The following CLUAP1 variants were observed in gnomAD, a reference collection of about 807,000 sequenced individuals.
The protein encoded by CLUAP1 is intraflagellar transport 38.
Under a neutral mutation model 55.0 loss-of-function variants are expected in CLUAP1, and 50 were observed. The observed-to-expected ratio is 0.91, with a 90% CI of 0.72 to 1.15. CLUAP1 has a LOEUF of 1.15. Among genes scored for constraint, CLUAP1 ranks in the 50% most tolerant of loss-of-function variants. CLUAP1 has a pLI of 0.00. For missense variants in CLUAP1, 530 were observed against 507.6 expected (o/e 1.04, Z -0.42); for synonymous variants, 195 against 175.4 (o/e 1.11, Z -0.88).
At chr16:3,501,583 G>GA (rs1003957813) in intron 1 of CLUAP1, among the ~76,000 whole-genome samples, 2 of 152,154 alleles carry the variant, frequency 1.3e-5, no homozygotes, top group Non-Finnish European at 2.9e-5. Context: ...GGGAGTTCGA[G>GA]ACCAGCCTGA....
upstream of CLUAP1, chr16:3,501,001 A>G: frequency 1.3e-6 from 2 of 1,525,504 alleles, no homozygotes; most frequent in Non-Finnish European, 1.8e-6. Context: ...GAGATCGTCG[A>G]GCGCTGGGCC....
intron 9 of CLUAP1, among the ~76,000 whole-genome samples, chr16:3,529,377 G>A (rs1319880333): frequency 4.2e-5 from 4 of 95,214 alleles, no homozygotes; most frequent in Non-Finnish European, 8.1e-5. Flanking sequence ...AGTTTTGTAT[G>A]TGTGTGTGTG....
chr16:3,527,584 C>T (rs886151143), intron 9 of CLUAP1, among the ~76,000 whole-genome samples: 1 of 152,058 alleles, frequency 6.6e-6, no homozygotes, highest in African/African-American at 2.4e-5. Flanking sequence ...TACTCCTCCA[C>T]CTCTTGTGGA....
intron 8 of CLUAP1, among the ~76,000 whole-genome samples, chr16:3,523,992 A>T (rs757158340): frequency 2.0e-5 from 3 of 152,032 alleles, no homozygotes; most frequent in Non-Finnish European, 4.4e-5. Context: ...AAGCTTGCTT[A>T]GTCAGTTCAC....
In CLUAP1 at chr16:3,501,053, G is replaced by A. The variant is rs375226001; in HGVS notation, c.-15G>A. On this transcript the variant is annotated 5_prime_UTR_variant, in exon 1 of 12. Transcript: ENST00000576634. Reference sequence around the variant, plus strand: ...CGAGCAGTTGCGACCCTGGGCTCCTGGGGACCTGAGCGTTATGTCTTTCCG... The same window carrying A: ...CGAGCAGTTGCGACCCTGGGCTCCTAGGGACCTGAGCGTTATGTCTTTCCG... 171 of 1,599,104 alleles carry A rather than the reference G, an allele frequency of 1.1e-4. No individual in the cohort carries two copies. In the African/African-American group the frequency reaches 2.1e-3, roughly 20 times the overall value.
chr16:3,526,351 G>A, intron 8 of CLUAP1, 61 bp from the exon 9 acceptor site: 1 of 1,161,000 alleles, frequency 8.6e-7, no homozygotes, highest in Non-Finnish European at 1.2e-6. Context: ...CAGTGGTGAA[G>A]AAGAATAGAA....
chr16:3,518,289 G>C (rs1206355495), intron 6 of CLUAP1, among the ~76,000 whole-genome samples: 2 of 152,178 alleles, frequency 1.3e-5, no homozygotes, highest in Non-Finnish European at 2.9e-5. Flanking sequence ...GCATGAATGT[G>C]CCCTTAGCAC....
At chr16:3,518,432 T>C (rs1415547882) in intron 6 of CLUAP1, among the ~76,000 whole-genome samples, 1 of 152,182 alleles carries the variant, frequency 6.6e-6, no homozygotes, top group African/African-American at 2.4e-5. Flanking sequence ...ACAACATGGG[T>C]ACTTAAAAGG....
intron 5 of CLUAP1, among the ~76,000 whole-genome samples, chr16:3,513,301 A>C (rs1395523704): frequency 6.6e-6 from 1 of 152,170 alleles, no homozygotes; most frequent in African/African-American, 2.4e-5. Context: ...CAATCTTGGC[A>C]TCACTTCCAG....
intron 6 of CLUAP1, among the ~76,000 whole-genome samples, chr16:3,517,614 C>G (rs1304831108): frequency 6.6e-6 from 1 of 152,098 alleles, no homozygotes; most frequent in Non-Finnish European, 1.5e-5. Context: ...GCCTGGCCCG[C>G]AGAGTACTTA....
At chr16:3,527,440 C>T (rs972567030) in intron 9 of CLUAP1, among the ~76,000 whole-genome samples, 6 of 152,094 alleles carry the variant, frequency 3.9e-5, no homozygotes, top group Non-Finnish European at 8.8e-5. Flanking sequence ...GTGGGAACAC[C>T]AGCGTCTGGG....
Position 3,537,998 on chromosome 16 carries a change from C to CAAAAAAAA in CLUAP1, c.*1742_*1749dup, listed in dbSNP as rs34360832. 4 of 36,674 alleles carry CAAAAAAAA rather than the reference C, an allele frequency of 1.1e-4. No homozygotes were observed. The highest frequency in any genetic ancestry group is 3.1e-4 in the Admixed American group (1 of 3,218). 2.3% of individuals were successfully genotyped at this position (36,674 alleles called of 1,614,324 possible). A position where few individuals can be genotyped will look rare whatever the true frequency, so the allele number is the denominator to read the frequency against. On this transcript the variant is annotated 3_prime_UTR_variant, in exon 12 of 12. Coordinates refer to ENST00000576634, the MANE Select transcript of CLUAP1 (RefSeq NM_015041.3). ...TGGGCAGCAGAGTGAGACTCCATCTCAAAAAAAAAAAAAAAAAAAAAAGCA... is the reference window on the plus strand; with the variant it reads ...TGGGCAGCAGAGTGAGACTCCATCTCAAAAAAAAAAAAAAAAAAAAAAAAAAAAAAGCA...
At position 3,536,423 on chromosome 16, in the gene CLUAP1, A is replaced by G. The variant is rs1407487138; in HGVS notation, c.*152A>G. ...ATACTTATTTCTGCTTTAGCCTCCT[A>G]TGTTTGCATTCCATGAAGCTTAAAT... On this transcript the variant is annotated 3_prime_UTR_variant, in exon 12 of 12. Transcript: ENST00000576634. The G allele has an allele frequency of 2.9e-6, 2 of 692,002 alleles. No homozygotes were observed. Among genetic ancestry groups the G allele is most frequent in the East Asian group, 2.7e-5 (1 of 36,638 alleles). The allele number at this position is 692,002 out of a possible 1,614,324, so 42.9% of individuals were successfully genotyped here. A position where few individuals can be genotyped will look rare whatever the true frequency, so the allele number is the denominator to read the frequency against.
intron 3 of CLUAP1, 26 bp downstream of exon 3, chr16:3,506,441 T>C (rs2037508046): frequency 1.3e-6 from 2 of 1,559,558 alleles, no homozygotes; most frequent in Non-Finnish European, 1.8e-6. Context: ...TTTTGTGGAG[T>C]TGTAAAATTA....
At chr16:3,529,729 ATATAT>A (rs2038059856) in intron 9 of CLUAP1, among the ~76,000 whole-genome samples, 8 of 40,470 alleles carry the variant, frequency 2.0e-4, no homozygotes, top group African/African-American at 8.9e-4. Context: ...TATATATTAT[ATATAT>A]TATTATATAT....
intron 11 of CLUAP1, chr16:3,535,537 G>A (rs1030902703): frequency 3.3e-5 from 5 of 153,474 alleles, no homozygotes; most frequent in African/African-American, 1.2e-4. Context: ...TGAGGAGAGA[G>A]AGGGTGTGTC....
At chr16:3,515,415 G>A (rs2037711069) in intron 5 of CLUAP1, 93 bp from the exon 6 acceptor site, 1 of 842,954 alleles carries the variant, frequency 1.2e-6, no homozygotes, top group South Asian at 1.6e-5. Context: ...AAACTTCGGA[G>A]AATCAGTCTA....
intron 9 of CLUAP1, among the ~76,000 whole-genome samples, chr16:3,528,415 G>A (rs924991602): frequency 6.6e-6 from 1 of 152,100 alleles, no homozygotes; most frequent in Non-Finnish European, 1.5e-5. Context: ...GGAAACTTTG[G>A]AGGAAGGATA....
intron 9 of CLUAP1, among the ~76,000 whole-genome samples, chr16:3,529,655 ATATATTATATATTATT>A (rs2038048228): frequency 4.2e-4 from 6 of 14,142 alleles, no homozygotes; most frequent in Admixed American, 1.4e-3. Context: ...ATATATTATT[ATATATTATATATTATT>A]ATATATTATA....
Sources: allele counts gnomAD v4.1 joint callset (sites outside exome capture counted in the v4.1 genomes callset), GRCh38; gene constraint gnomAD v4.1.1; transcripts MANE v1.5; gene names NCBI Gene and HGNC (gene_info 2026-07-23, HGNC 2026-07-21).